KCNJ1: variants seen among roughly 807,000 people sequenced by gnomAD.
The protein encoded by KCNJ1 is potassium inwardly rectifying channel subfamily J member 1.
In KCNJ1, 24 loss-of-function variants were observed where a neutral mutation model predicts 21.9. That is an observed-to-expected ratio of 1.10 (90% CI 0.79 to 1.54). KCNJ1 has a LOEUF of 1.54. Among genes scored for constraint, KCNJ1 ranks in the 40% most tolerant of loss-of-function variants. The pLI is 0.00. For synonymous variants in KCNJ1, 152 were observed against 160.9 expected (o/e 0.94, Z 0.42); for missense variants, 457 against 455.4 (o/e 1.00, Z -0.03).
At chr11:128,849,950 A>T (rs1943453079) in intron 2 of KCNJ1, among the ~76,000 whole-genome samples, 1 of 152,196 alleles carries the variant, frequency 6.6e-6, no homozygotes, top group Non-Finnish European at 1.5e-5. Flanking sequence ...AGTGACGATG[A>T]GCCAGCCCCA....
intron 2 of KCNJ1, among the ~76,000 whole-genome samples, chr11:128,842,904 A>G (rs1484555532): frequency 1.3e-5 from 2 of 152,244 alleles, no homozygotes; most frequent in Non-Finnish European, 2.9e-5. Flanking sequence ...ACATACAGAC[A>G]TAAGTACATA....
intron 2 of KCNJ1, among the ~76,000 whole-genome samples, chr11:128,843,078 C>G (rs1289523930): frequency 6.6e-6 from 1 of 152,192 alleles, no homozygotes; most frequent in African/African-American, 2.4e-5. Context: ...TTTACATGCA[C>G]TGGGTTAGCC....
At chr11:128,849,087 C>T (rs893632824) in intron 2 of KCNJ1, among the ~76,000 whole-genome samples, 4 of 152,112 alleles carry the variant, frequency 2.6e-5, no homozygotes, top group South Asian at 4.1e-4. Flanking sequence ...TAGTGTCATC[C>T]GAGGCACGGA....
At chr11:128,855,144 G>A (rs1943563442) in intron 1 of KCNJ1, among the ~76,000 whole-genome samples, 1 of 152,160 alleles carries the variant, frequency 6.6e-6, no homozygotes, top group South Asian at 2.1e-4. Flanking sequence ...AAAAACCCTG[G>A]AGCTCATTGT....
chr11:128,861,758 G>C (rs189332744), intron 1 of KCNJ1, among the ~76,000 whole-genome samples: 2 of 152,066 alleles, frequency 1.3e-5, no homozygotes, highest in Admixed American at 6.5e-5. Context: ...TGCAGGCTCC[G>C]TGTCTGTAGA....
At position 128,842,336 on chromosome 11, in the gene KCNJ1, A is replaced by T. The variant is rs1330349214; in HGVS notation, c.-21-2072T>A. 3.7e-6 allele frequency: 6 copies of T among 1,607,818 alleles called. No homozygotes were observed. The Middle Eastern group carries it at 5.0e-4, about 133-fold the overall frequency. ...ATGACTGCATTAATGATGAAACATTATCTGCCTGGCTTTCCAGAGAGGTGA... is the reference window on the plus strand; with the variant it reads ...ATGACTGCATTAATGATGAAACATTTTCTGCCTGGCTTTCCAGAGAGGTGA... On this transcript the variant is annotated intron_variant, in intron 2 of 2. Coordinates refer to ENST00000392666, the MANE Select transcript of KCNJ1 (RefSeq NM_153766.3).
At chr11:128,866,860 C>A (rs955079619) in intron 1 of KCNJ1, among the ~76,000 whole-genome samples, 1 of 152,112 alleles carries the variant, frequency 6.6e-6, no homozygotes, top group African/African-American at 2.4e-5. Flanking sequence ...GAGATGAAAA[C>A]CCTACATACA....
At chr11:128,861,594 T>TG (rs1375822853) in intron 1 of KCNJ1, among the ~76,000 whole-genome samples, 1 of 152,176 alleles carries the variant, frequency 6.6e-6, no homozygotes, top group African/African-American at 2.4e-5. Flanking sequence ...AACATACCCC[T>TG]GCTCCTGGGA....
chr11:128,857,003 G>T (rs536653146), intron 1 of KCNJ1, among the ~76,000 whole-genome samples: 55 of 152,176 alleles, frequency 3.6e-4, no homozygotes, highest in Non-Finnish European at 4.4e-4. Context: ...CTGTTCTGAT[G>T]ACCTCAAGGC....
intron 1 of KCNJ1, among the ~76,000 whole-genome samples, chr11:128,851,499 TA>T (rs1438067951): frequency 9.8e-5 from 15 of 152,324 alleles, no homozygotes; most frequent in Non-Finnish European, 2.1e-4. Flanking sequence ...AAACTGTTCT[TA>T]AGTCTCATAT....
chr11:128,842,324 T>C, intron 2 of KCNJ1: 1 of 1,585,154 alleles, frequency 6.3e-7, no homozygotes, highest in East Asian at 2.2e-5. Context: ...ACTGCATTAA[T>C]GATGAAACAT....
At chr11:128,865,619 T>C (rs12805828) in intron 1 of KCNJ1, among the ~76,000 whole-genome samples, 1 of 151,968 alleles carries the variant, frequency 6.6e-6, no homozygotes, top group Non-Finnish European at 1.5e-5. Context: ...CCAGAAGCAA[T>C]TCCACTGAGA....
intron 1 of KCNJ1, among the ~76,000 whole-genome samples, chr11:128,859,457 C>T (rs1281921470): frequency 6.6e-6 from 1 of 152,198 alleles, no homozygotes; most frequent in African/African-American, 2.4e-5. Flanking sequence ...CTAGGTTACC[C>T]AGGCTGGCCT....
chr11:128,865,277 G>T (rs1475952304), intron 1 of KCNJ1, among the ~76,000 whole-genome samples: 1 of 151,982 alleles, frequency 6.6e-6, no homozygotes, highest in Non-Finnish European at 1.5e-5. Context: ...CTACATTTCT[G>T]TGTCACAGTC....
At chr11:128,862,786 G>C (rs1324178047) in intron 1 of KCNJ1, among the ~76,000 whole-genome samples, 6 of 152,216 alleles carry the variant, frequency 3.9e-5, no homozygotes, top group Non-Finnish European at 5.9e-5. Context: ...CATACTCTGT[G>C]CATAATTCAT....
At position 128,839,038 on chromosome 11, in the gene KCNJ1, G is replaced by A. The variant is rs1043406775; in HGVS notation, c.*87C>T. The A allele has an allele frequency of 3.9e-5, 48 of 1,223,112 alleles. No individual in the cohort carries two copies. Among genetic ancestry groups the A allele is most frequent in the Admixed American group, 2.8e-4 (15 of 54,474 alleles). 75.8% of individuals were successfully genotyped at this position (1,223,112 alleles called of 1,614,324 possible). ...CTTTGAAGGCTCTCATCCTACTTTC[G>A]TACCCCTAAATTGTTGACTGCTTCA... is the stretch of plus-strand genomic sequence containing the variant. On this transcript the variant is annotated 3_prime_UTR_variant, in exon 3 of 3. Transcript: ENST00000392666.
intron 2 of KCNJ1, among the ~76,000 whole-genome samples, chr11:128,844,739 T>G (rs932107478): frequency 6.6e-6 from 1 of 151,968 alleles, no homozygotes; most frequent in Non-Finnish European, 1.5e-5. Flanking sequence ...CCCAGCCTGC[T>G]CAGCAGTCAA....
intron 2 of KCNJ1, among the ~76,000 whole-genome samples, chr11:128,842,750 C>T (rs1347217741): frequency 1.3e-5 from 2 of 152,178 alleles, no homozygotes; most frequent in South Asian, 2.1e-4. Context: ...TCCTTGGCCA[C>T]GCTCTATCGC....
At position 128,839,189 on chromosome 11, in the gene KCNJ1, C is replaced by G. The variant is rs1386510202; in HGVS notation, c.1055G>C (p.Arg352Thr). ...NEKDVRARMK[R>T]GYDNPNFILS... ...GATGAAGTTGGGGTTGTCATAGCCT[C>G]TCTTCATCCTGGCTCTAACATCTTT... Residue 352 changes from arginine to threonine, a missense_variant, in exon 3 of 3, where the codon AGA (arginine) becomes ACA (threonine). Physicochemically the swap from Arg to Thr is moderately conservative, Grantham distance 71. Transcript: ENST00000392666. 1.2e-6 allele frequency: 2 copies of G among 1,614,162 alleles called. No homozygotes were observed. Among genetic ancestry groups the G allele is most frequent in the Non-Finnish European group, 1.7e-6 (2 of 1,180,012 alleles).
Sources: allele counts gnomAD v4.1 joint callset (sites outside exome capture counted in the v4.1 genomes callset), GRCh38; gene constraint gnomAD v4.1.1; transcripts MANE v1.5; gene names NCBI Gene and HGNC (gene_info 2026-07-23, HGNC 2026-07-21).